The following CSMD1 variants were observed in gnomAD, a reference collection of about 807,000 sequenced individuals.
CSMD1 encodes the protein CUB and Sushi multiple domains 1, also known as CUB and sushi domain-containing protein 1.
CSMD1 carries 213 observed loss-of-function variants against 417.5 expected under a neutral mutation model. That is an observed-to-expected ratio of 0.51 (90% CI 0.46 to 0.57). The LOEUF is 0.57. Among genes scored for constraint, CSMD1 ranks in the 20% least tolerant of loss-of-function variants. The pLI is 0.00. For missense variants in CSMD1, 6,923 were observed against 4,529.7 expected (o/e 1.53, Z -15.17); for synonymous variants, 2,862 against 1,736.8 (o/e 1.65, Z -16.11).
chr8:3,021,717 ACC>A (rs1809417428), intron 51 of CSMD1, among the ~76,000 whole-genome samples: 2 of 121,086 alleles, frequency 1.7e-5, no homozygotes, highest in East Asian at 3.1e-4. Context: ...TCTGGAATGC[ACC>A]TGCAATCCCG....
rs776207119 is a variant in CSMD1, at chr8:4,730,867, T to C, written c.86-93309A>G. On this transcript the variant is annotated intron_variant, in intron 1 of 69. Coordinates refer to ENST00000635120, the MANE Select transcript of CSMD1 (RefSeq NM_033225.6). ...AAGAAATAAGAGCCGTAACGAGAAA[T>C]GTCTCCCTTGAGAAAGGCTTTCCTG... Among the ~76,000 whole-genome samples the C allele has an allele frequency of 2.6e-5, 4 of 152,160 alleles. No homozygotes were observed. In the South Asian group the frequency reaches 6.3e-4, roughly 24 times the overall value.
chr8:3,627,804 A>G (rs1796568671), intron 7 of CSMD1, among the ~76,000 whole-genome samples: 1 of 152,180 alleles, frequency 6.6e-6, no homozygotes, highest in South Asian at 2.1e-4. Context: ...CATCTTGTTT[A>G]TTTAGCTGAT....
intron 11 of CSMD1, among the ~76,000 whole-genome samples, chr8:3,470,641 G>A (rs1352712658): frequency 1.3e-5 from 2 of 151,900 alleles, no homozygotes; most frequent in Admixed American, 6.6e-5. Context: ...CAAATTCTCT[G>A]GTGCTCTTCC....
At chr8:4,915,158 T>G (rs1044338497) in intron 1 of CSMD1, among the ~76,000 whole-genome samples, 1 of 152,158 alleles carries the variant, frequency 6.6e-6, no homozygotes, top group Non-Finnish European at 1.5e-5. Flanking sequence ...CGCATGCTTA[T>G]GATTATATAT....
Position 3,737,947 on chromosome 8 carries a change from C to G in CSMD1, c.931+15983G>C, listed in dbSNP as rs559087740. Among the ~76,000 whole-genome samples the G allele has an allele frequency of 2.0e-5, 3 of 152,252 alleles. No homozygotes were observed. In the South Asian group the frequency reaches 6.2e-4, roughly 32 times the overall value. ...AGGTAGATAATTGTCAAGGGAAATT[C>G]TTAAAAGAAACAACTAAATTACTTG... On this transcript the variant is annotated intron_variant, in intron 6 of 69. Coordinates refer to ENST00000635120, the MANE Select transcript of CSMD1 (RefSeq NM_033225.6).
chr8:3,967,064 G>C lies in CSMD1; in HGVS notation c.818+30839C>G, dbSNP rs1276656433. Among the ~76,000 whole-genome samples the C allele has an allele frequency of 2.0e-5, 3 of 152,152 alleles. No homozygotes were observed. The East Asian group carries it at 5.8e-4, about 29-fold the overall frequency. ...TGAGGTAATCCAGATATTGAAATCAGACATGAGCAAGCTATTCTAACAAGG... is the reference window on the plus strand; with the variant it reads ...TGAGGTAATCCAGATATTGAAATCACACATGAGCAAGCTATTCTAACAAGG... On this transcript the variant is annotated intron_variant, in intron 5 of 69. Coordinates refer to ENST00000635120, the MANE Select transcript of CSMD1 (RefSeq NM_033225.6).
intron 5 of CSMD1, among the ~76,000 whole-genome samples, chr8:3,792,749 G>A (rs1292672408): frequency 2.6e-5 from 4 of 152,154 alleles, no homozygotes; most frequent in Admixed American, 1.3e-4. Flanking sequence ...CTCATTTTCT[G>A]ATGTTGAGAA....
intron 1 of CSMD1, among the ~76,000 whole-genome samples, chr8:4,766,554 T>C (rs1443383240): frequency 1.3e-5 from 2 of 152,240 alleles, no homozygotes; most frequent in African/African-American, 2.4e-5. Context: ...TTGAGAAATA[T>C]GCTTTCTGCC....
intron 3 of CSMD1, among the ~76,000 whole-genome samples, chr8:4,213,267 G>T (rs1003527399): frequency 6.6e-6 from 1 of 152,082 alleles, no homozygotes; most frequent in African/African-American, 2.4e-5. Context: ...AAGTGAGGCG[G>T]GGTCCTGTCA....
intron 3 of CSMD1, among the ~76,000 whole-genome samples, chr8:4,392,052 G>A (rs767279973): frequency 2.6e-5 from 4 of 152,162 alleles, no homozygotes; most frequent in Non-Finnish European, 5.9e-5. Flanking sequence ...GGGGCAATGC[G>A]ACCCTGTGGG....
chr8:3,254,097 T>A (rs1385261356), intron 26 of CSMD1, among the ~76,000 whole-genome samples: 3 of 152,194 alleles, frequency 2.0e-5, no homozygotes, highest in Non-Finnish European at 4.4e-5. Flanking sequence ...CAGCATTTGC[T>A]TGTCTGTAAA....
intron 1 of CSMD1, among the ~76,000 whole-genome samples, chr8:4,768,512 G>A (rs1442514181): frequency 6.6e-6 from 1 of 152,180 alleles, no homozygotes; most frequent in Non-Finnish European, 1.5e-5. Flanking sequence ...TGAGTTATTT[G>A]GGATGAAACT....
intron 6 of CSMD1, among the ~76,000 whole-genome samples, chr8:3,750,405 G>A (rs1442021575): frequency 4.6e-5 from 7 of 150,908 alleles, no homozygotes; most frequent in African/African-American, 1.7e-4. Flanking sequence ...GACAACATTT[G>A]GAAAGATGAA....
At chr8:3,811,013 C>T (rs776859476) in intron 5 of CSMD1, among the ~76,000 whole-genome samples, 4 of 152,116 alleles carry the variant, frequency 2.6e-5, no homozygotes, top group South Asian at 2.1e-4. Flanking sequence ...CTGTTCCATC[C>T]GTTTGATCAC....
At chr8:4,583,640 T>C (rs935318130) in intron 2 of CSMD1, among the ~76,000 whole-genome samples, 2 of 152,132 alleles carry the variant, frequency 1.3e-5, no homozygotes, top group African/African-American at 4.8e-5. Context: ...TGGAGAACCT[T>C]TGTGTCCACA....
intron 3 of CSMD1, among the ~76,000 whole-genome samples, chr8:4,222,315 T>G (rs999988210): frequency 6.6e-6 from 1 of 152,078 alleles, no homozygotes; most frequent in African/African-American, 2.4e-5. Context: ...TTTGGAAAAC[T>G]TGGGGGATAC....
chr8:4,718,113 A>T lies in CSMD1; in HGVS notation c.86-80555T>A, dbSNP rs534475001. 2.6e-3 allele frequency among the ~76,000 whole-genome samples: 403 copies of T among 152,206 alleles called. 5 individuals carry two copies. Among genetic ancestry groups the T allele is most frequent in the African/African-American group, 9.4e-3 (392 of 41,522 alleles). On this transcript the variant is annotated intron_variant, in intron 1 of 69. Coordinates refer to ENST00000635120, the MANE Select transcript of CSMD1 (RefSeq NM_033225.6). Reference sequence around the variant, plus strand: ...CCACTTCCTCAAAGTACCTGGTATGACAGGCACATGCCACCATGCCCAGCA... The same window carrying T: ...CCACTTCCTCAAAGTACCTGGTATGTCAGGCACATGCCACCATGCCCAGCA...
intron 5 of CSMD1, among the ~76,000 whole-genome samples, chr8:3,864,459 G>C (rs1170014208): frequency 6.6e-6 from 1 of 152,192 alleles, no homozygotes; most frequent in East Asian, 1.9e-4. Context: ...TTAAGGAAAA[G>C]AGGGAGGAAG....
intron 2 of CSMD1, among the ~76,000 whole-genome samples, chr8:4,528,480 A>C (rs1052064778): frequency 6.6e-5 from 10 of 152,170 alleles, no homozygotes; most frequent in African/African-American, 2.4e-4. Flanking sequence ...ATCATGTAAG[A>C]CTTAGAGGTC....
Sources: allele counts gnomAD v4.1 joint callset (sites outside exome capture counted in the v4.1 genomes callset), GRCh38; gene constraint gnomAD v4.1.1; transcripts MANE v1.5; gene names NCBI Gene and HGNC (gene_info 2026-07-23, HGNC 2026-07-21).